Variants in ANGPT1 observed in about 807,000 individuals in gnomAD.
The protein encoded by ANGPT1 is angiopoietin-1.
A neutral mutation model predicts 62.2 loss-of-function variants in ANGPT1; 17 were observed. The ratio of observed to expected loss-of-function variants is 0.27; its 90% CI spans 0.19 to 0.41. The LOEUF (loss-of-function observed/expected upper bound fraction) is 0.41, where lower values mean the gene tolerates loss of function less well. Ranked by LOEUF, ANGPT1 falls within the 10% of genes least tolerant of loss-of-function variation. The pLI, the probability that ANGPT1 is intolerant of heterozygous loss-of-function variation, is 1.00. For missense variants in ANGPT1, 478 were observed against 594.9 expected, an observed-to-expected ratio of 0.80 and a Z score of 2.04; for synonymous variants, 199 against 198.9, an observed-to-expected ratio of 1.00 and a Z score of 0.00.
chr8:107,258,326 T>C (rs1026232080), intron 8 of ANGPT1, among the ~76,000 whole-genome samples: 6 of 152,186 alleles, frequency 3.9e-5, no homozygotes, highest in Admixed American at 2.6e-4. Flanking sequence ...TGTATCTCAG[T>C]TCTTGCCAAA....
chr8:107,372,720 A>C (rs1440597974), intron 1 of ANGPT1, among the ~76,000 whole-genome samples: 1 of 151,956 alleles, frequency 6.6e-6, no homozygotes, highest in Non-Finnish European at 1.5e-5. Context: ...GTCTATGACC[A>C]TCTGTTCTCC....
At chr8:107,444,827 G>A (rs1811571502) in intron 1 of ANGPT1, among the ~76,000 whole-genome samples, 1 of 152,072 alleles carries the variant, frequency 6.6e-6, no homozygotes, top group Non-Finnish European at 1.5e-5. Context: ...GAGATAAATT[G>A]CACCTCTCTA....
chr8:107,484,675 G>GATTACAGACA (rs1812772942), intron 1 of ANGPT1, among the ~76,000 whole-genome samples: 1 of 152,168 alleles, frequency 6.6e-6, no homozygotes, highest in Admixed American at 6.5e-5. Context: ...GAAAGTGATG[G>GATTACAGACA]ATTACAGACA....
chr8:107,486,817 T>C (rs1051806442), intron 1 of ANGPT1, among the ~76,000 whole-genome samples: 1 of 152,204 alleles, frequency 6.6e-6, no homozygotes, highest in Admixed American at 6.5e-5. Context: ...TAGGAAATAG[T>C]GGACACAAAC....
intron 1 of ANGPT1, among the ~76,000 whole-genome samples, chr8:107,471,075 A>G (rs1371196970): frequency 6.6e-6 from 1 of 152,118 alleles, no homozygotes; most frequent in African/African-American, 2.4e-5. Flanking sequence ...AAATCATTCT[A>G]CTATAAAGAC....
At chr8:107,304,220 AC>A (rs1402131470) in intron 4 of ANGPT1, among the ~76,000 whole-genome samples, 2 of 151,764 alleles carry the variant, frequency 1.3e-5, no homozygotes, top group African/African-American at 4.8e-5. Context: ...TATTTTATTT[AC>A]TGAGCTTTAT....
At chr8:107,345,084 A>T (rs1815774942) in intron 2 of ANGPT1, among the ~76,000 whole-genome samples, 1 of 152,192 alleles carries the variant, frequency 6.6e-6, no homozygotes. Context: ...CATAGGCGTC[A>T]CTTCTTAAGG....
chr8:107,397,697 T>A (rs1040572716), intron 1 of ANGPT1, among the ~76,000 whole-genome samples: 4 of 152,056 alleles, frequency 2.6e-5, no homozygotes, highest in Admixed American at 2.0e-4. Context: ...AACCAGCAAG[T>A]CAACTCTTCA....
chr8:107,429,878 T>C (rs1482793535), intron 1 of ANGPT1, among the ~76,000 whole-genome samples: 2 of 121,650 alleles, frequency 1.6e-5, no homozygotes, highest in Non-Finnish European at 3.8e-5. Context: ...TTATTGTGAT[T>C]AACATAAAAG....
rs138777305 is a variant in ANGPT1, at chr8:107,428,727, G to A, written c.297+68535C>T. Among the ~76,000 whole-genome samples the A allele has an allele frequency of 1.6e-3, 249 of 152,058 alleles. 4 individuals are homozygous for A. In the East Asian group the frequency reaches 0.038, roughly 23 times the overall value. ...CCAGTGCTTTTTTAAGCAAGGACAC[G>A]TTGATAGCCACAGCATCAGTAGCTA... is the stretch of plus-strand genomic sequence containing the variant. On this transcript the variant is annotated intron_variant, in intron 1 of 8. Coordinates refer to ENST00000517746, the MANE Select transcript of ANGPT1 (RefSeq NM_001146.5).
intron 4 of ANGPT1, among the ~76,000 whole-genome samples, chr8:107,314,844 A>G: frequency 6.6e-6 from 1 of 152,228 alleles, no homozygotes. Flanking sequence ...ATCAATGTTT[A>G]TATGACTGAC....
chr8:107,400,449 G>A (rs558705578), intron 1 of ANGPT1, among the ~76,000 whole-genome samples: 38 of 152,210 alleles, frequency 2.5e-4, no homozygotes, highest in African/African-American at 7.9e-4. Flanking sequence ...GGCATCAAGC[G>A]TCACTGTCCA....
In ANGPT1 at chr8:107,249,764, TC is replaced by T. The variant is rs1420346958; in HGVS notation, c.*2090del. ...CAACAAAACAGTAAATATCATGCTTTCTTTTTTTATTATTTTATTTTGTTTT... is the reference window on the plus strand; with the variant it reads ...CAACAAAACAGTAAATATCATGCTTTTTTTTTTATTATTTTATTTTGTTTT... On this transcript the variant is annotated 3_prime_UTR_variant, in exon 9 of 9. Transcript: ENST00000517746. 1 of 152,146 alleles carries T rather than the reference TC, an allele frequency of 6.6e-6. No individual in the cohort carries two copies. The highest frequency in any genetic ancestry group is 1.5e-5 in the Non-Finnish European group (1 of 68,024). 9.4% of individuals were successfully genotyped at this position (152,146 alleles called of 1,614,324 possible).
At chr8:107,374,720 T>C (rs897426586) in intron 1 of ANGPT1, among the ~76,000 whole-genome samples, 1 of 152,232 alleles carries the variant, frequency 6.6e-6, no homozygotes, top group Non-Finnish European at 1.5e-5. Context: ...CACATGGCTA[T>C]TGGCCAAAGA....
chr8:107,371,479 T>C (rs895314289), intron 1 of ANGPT1, among the ~76,000 whole-genome samples: 2 of 152,112 alleles, frequency 1.3e-5, no homozygotes, highest in Non-Finnish European at 2.9e-5. Context: ...CTCTTTGTGG[T>C]TTGTGGTGGA....
intron 1 of ANGPT1, among the ~76,000 whole-genome samples, chr8:107,427,663 G>T (rs1586313410): frequency 3.3e-5 from 5 of 151,988 alleles, no homozygotes; most frequent in African/African-American, 1.2e-4. Flanking sequence ...AATCATGAAG[G>T]GAAGGTCTCT....
At chr8:107,361,562 ATATAT>A (rs1816165634) in intron 1 of ANGPT1, among the ~76,000 whole-genome samples, 1 of 24,718 alleles carries the variant, frequency 4.0e-5, no homozygotes, top group Non-Finnish European at 9.7e-5. Context: ...TGTATATATT[ATATAT>A]CAATATAGAA....
chr8:107,326,059 T>C (rs1311166933), intron 3 of ANGPT1, among the ~76,000 whole-genome samples: 1 of 152,172 alleles, frequency 6.6e-6, no homozygotes. Context: ...AGACAGAACA[T>C]TAATTTTCAT....
At chr8:107,447,786 G>C (rs1047597479) in intron 1 of ANGPT1, among the ~76,000 whole-genome samples, 3 of 152,182 alleles carry the variant, frequency 2.0e-5, no homozygotes, top group African/African-American at 7.2e-5. Context: ...GTGGAGTAAT[G>C]CTACAGTGGG....
Sources: allele counts gnomAD v4.1 joint callset (sites outside exome capture counted in the v4.1 genomes callset), GRCh38; gene constraint gnomAD v4.1.1; transcripts MANE v1.5; gene names NCBI Gene and HGNC (gene_info 2026-07-23, HGNC 2026-07-21).